The following LIMD1 variants were observed in gnomAD, a reference collection of about 807,000 sequenced individuals.
The protein encoded by LIMD1 is LIM domain-containing protein 1.
Under a neutral mutation model 58.4 loss-of-function variants are expected in LIMD1, and 23 were observed. The observed-to-expected ratio is 0.39, with a 90% CI of 0.28 to 0.56. The LOEUF (loss-of-function observed/expected upper bound fraction) is 0.56, where lower values mean the gene tolerates loss of function less well. Ranked by LOEUF, LIMD1 falls within the 20% of genes least tolerant of loss-of-function variation. The pLI, the probability that LIMD1 is intolerant of heterozygous loss-of-function variation, is 0.57. For missense variants in LIMD1, 838 were observed against 855.5 expected, an observed-to-expected ratio of 0.98 and a Z score of 0.25; for synonymous variants, 334 against 345.5, an observed-to-expected ratio of 0.97 and a Z score of 0.37.
At chr3:45,612,965 C>T (rs1027582815) in intron 1 of LIMD1, 1 of 152,224 alleles carries the variant, frequency 6.6e-6, no homozygotes, top group Non-Finnish European at 1.5e-5. Context: ...AGGCAACGCT[C>T]CGCCTTCTTG....
chr3:45,614,975 A>G (rs1701563052), intron 1 of LIMD1, among the ~76,000 whole-genome samples: 1 of 151,964 alleles, frequency 6.6e-6, no homozygotes, highest in South Asian at 2.1e-4. Flanking sequence ...AGATTTGGGG[A>G]CTTTAGTGAA....
At chr3:45,620,932 A>AC (rs1701623567) in intron 1 of LIMD1, among the ~76,000 whole-genome samples, 1 of 152,230 alleles carries the variant, frequency 6.6e-6, no homozygotes, top group African/African-American at 2.4e-5. Context: ...CTGCATGTTG[A>AC]CATCATGTAC....
chr3:45,596,410 T>A (rs1186530314), intron 1 of LIMD1, 123 bp downstream of exon 1: 19 of 780,404 alleles, frequency 2.4e-5, no homozygotes, highest in Non-Finnish European at 3.3e-5. Context: ...CCTGTTTTTT[T>A]ATTTTTTTGT....
At chr3:45,609,170 C>T (rs1174289224) in intron 1 of LIMD1, among the ~76,000 whole-genome samples, 2 of 152,118 alleles carry the variant, frequency 1.3e-5, no homozygotes, top group African/African-American at 4.8e-5. Context: ...GAAGGGAGAG[C>T]TTATCTGGTG....
intron 1 of LIMD1, among the ~76,000 whole-genome samples, chr3:45,606,761 T>C (rs1701471441): frequency 6.6e-6 from 1 of 152,220 alleles, no homozygotes; most frequent in Admixed American, 6.5e-5. Flanking sequence ...AACCCCAGGC[T>C]GTGTGCAGAG....
chr3:45,619,369 A>G (rs983708461), intron 1 of LIMD1, among the ~76,000 whole-genome samples: 4 of 152,236 alleles, frequency 2.6e-5, no homozygotes, highest in African/African-American at 9.6e-5. Flanking sequence ...AATACATTTG[A>G]ATGTCAGATA....
chr3:45,683,919 C>A lies in LIMD1; in HGVS notation c.*6860C>A, dbSNP rs771098328. 7 of 152,186 alleles carry A rather than the reference C, an allele frequency of 4.6e-5. No individual in the cohort carries two copies. Among genetic ancestry groups the A allele is most frequent in the Non-Finnish European group, 1.0e-4 (7 of 68,038 alleles). 9.4% of individuals were successfully genotyped at this position (152,186 alleles called of 1,614,324 possible). On this transcript the variant is annotated 3_prime_UTR_variant, in exon 8 of 8. Transcript: ENST00000273317. ...TTAGTCAGCCTACCACAGACTCCAA[C>A]GAACGTTTTTTGAGAGGAAATGAAA...
chr3:45,634,768 CT>C (rs1215793544), intron 1 of LIMD1, among the ~76,000 whole-genome samples: 3 of 152,288 alleles, frequency 2.0e-5, no homozygotes, highest in African/African-American at 7.2e-5. Flanking sequence ...CTCTTTAGAA[CT>C]TTTTGGTTTT....
At chr3:45,651,645 T>C (rs1701975449) in intron 2 of LIMD1, among the ~76,000 whole-genome samples, 1 of 152,110 alleles carries the variant, frequency 6.6e-6, no homozygotes, top group African/African-American at 2.4e-5. Context: ...GTTATTTTTT[T>C]TTTTAAGATG....
intron 1 of LIMD1, among the ~76,000 whole-genome samples, chr3:45,601,447 G>A (rs929691400): frequency 6.6e-6 from 1 of 152,160 alleles, no homozygotes. Context: ...CCTGCCTGCC[G>A]CACCCCAGCA....
At chr3:45,664,653 G>T (rs1482352747) in intron 2 of LIMD1, among the ~76,000 whole-genome samples, 2 of 152,222 alleles carry the variant, frequency 1.3e-5, no homozygotes, top group Non-Finnish European at 2.9e-5. Context: ...GAGGTCTGAG[G>T]AATGTTCTTT....
At chr3:45,646,016 C>G (rs374194000) in intron 2 of LIMD1, among the ~76,000 whole-genome samples, 1 of 144,378 alleles carries the variant, frequency 6.9e-6, no homozygotes, top group Non-Finnish European at 1.5e-5. Context: ...AGTGACAGAG[C>G]GAGACTCTGT....
intron 4 of LIMD1, among the ~76,000 whole-genome samples, chr3:45,669,778 A>G (rs1697565980): frequency 6.6e-6 from 1 of 152,184 alleles, no homozygotes; most frequent in South Asian, 2.1e-4. Flanking sequence ...GTGGAATTCC[A>G]TTGTATGGAT....
chr3:45,635,916 TA>T (rs1411156853), intron 1 of LIMD1: 6 of 985,044 alleles, frequency 6.1e-6, no homozygotes, highest in African/African-American at 1.8e-5. Flanking sequence ...GACATTAGCA[TA>T]ACAGTGGGGC....
At chr3:45,661,570 A>G (rs1328695509) in intron 2 of LIMD1, among the ~76,000 whole-genome samples, 2 of 152,182 alleles carry the variant, frequency 1.3e-5, no homozygotes, top group African/African-American at 4.8e-5. Flanking sequence ...ATTTTTGGGG[A>G]GAAAATATCT....
rs372341844 is a variant in LIMD1 at position 45,630,108 on chromosome 3, C to T, written c.1409-6042C>T. Among the ~76,000 whole-genome samples, 3 of 152,212 alleles carry T rather than the reference C, an allele frequency of 2.0e-5. No individual in the cohort carries two copies. In the East Asian group the frequency reaches 5.8e-4, roughly 29 times the overall value. ...GTGTATCCCTTATTCCTCTCACTTC[C>T]CTTCTGGTTTTTGAGCTTGGTTGTT... On this transcript the variant is annotated intron_variant, in intron 1 of 7. Coordinates refer to ENST00000273317, the MANE Select transcript of LIMD1 (RefSeq NM_014240.3).
Position 45,595,029 on chromosome 3 carries a change from C to T in LIMD1, c.150C>T (p.Thr50=). 6.2e-7 allele frequency: 1 copy of T among 1,613,972 alleles called. No individual in the cohort carries two copies. Among genetic ancestry groups the T allele is most frequent in the African/African-American group, 1.3e-5 (1 of 75,040 alleles). The change falls in exon 1 of 8, where the codon ACC becomes ACT. Residue 50 remains threonine, a synonymous_variant. Transcript: ENST00000273317. ...AGGAAACTCGCAGGGTGTTCGCCAC[C>T]AAGATGGCCAAAATCCACCTCCAGC... is the stretch of plus-strand genomic sequence containing the variant. ...EFEETRRVFA[T]KMAKIHLQQQ... is the part of the protein sequence containing the mutation.
chr3:45,610,147 G>A (rs754366260), intron 1 of LIMD1, among the ~76,000 whole-genome samples: 23 of 152,214 alleles, frequency 1.5e-4, no homozygotes, highest in Non-Finnish European at 3.2e-4. Flanking sequence ...TTGTGCCACT[G>A]CATTCCAGCC....
chr3:45,665,042 T>C (rs1697498122), intron 2 of LIMD1, among the ~76,000 whole-genome samples: 1 of 152,160 alleles, frequency 6.6e-6, no homozygotes. Context: ...GTTAGCCTTA[T>C]GGAAGCAAGA....
Sources: allele counts gnomAD v4.1 joint callset (sites outside exome capture counted in the v4.1 genomes callset), GRCh38; gene constraint gnomAD v4.1.1; transcripts MANE v1.5; gene names NCBI Gene and HGNC (gene_info 2026-07-23, HGNC 2026-07-21).